Variants in VPS8 observed in about 807,000 individuals in gnomAD.
VPS8 encodes vacuolar protein sorting-associated protein 8 homolog.
In VPS8, 129 loss-of-function variants were observed where a neutral mutation model predicts 216.4. That is an observed-to-expected ratio of 0.60 (90% CI 0.52 to 0.69). The LOEUF (loss-of-function observed/expected upper bound fraction) is 0.69. Among genes scored for constraint, VPS8 ranks in the 30% least tolerant of loss-of-function variants. The probability of loss-of-function intolerance (pLI) is 0.00; values close to 1 mark genes in which losing one functional copy is unlikely to be tolerated. For missense variants in VPS8, 1,531 were observed against 1,683.5 expected, an observed-to-expected ratio of 0.91 and a Z score of 1.59; for synonymous variants, 571 against 565.4, an observed-to-expected ratio of 1.01 and a Z score of -0.14.
intron 46 of VPS8, among the ~76,000 whole-genome samples, chr3:185,044,801 A>G (rs1193499743): frequency 3.3e-5 from 5 of 152,100 alleles, no homozygotes; most frequent in African/African-American, 1.2e-4. Flanking sequence ...TTCATTACCT[A>G]ATTCATTATT....
chr3:184,919,638 T>A (rs1405411823), intron 28 of VPS8, among the ~76,000 whole-genome samples: 2 of 152,302 alleles, frequency 1.3e-5, no homozygotes, highest in East Asian at 3.9e-4. Context: ...ACCTTTTTTT[T>A]ACCATAATAA....
intron 15 of VPS8, among the ~76,000 whole-genome samples, chr3:184,861,174 C>G (rs1369934431): frequency 6.6e-6 from 1 of 152,102 alleles, no homozygotes; most frequent in Non-Finnish European, 1.5e-5. Context: ...TATTTTTTCT[C>G]TCTCAAATGG....
intron 1 of VPS8, among the ~76,000 whole-genome samples, chr3:184,820,347 C>T (rs958195217): frequency 6.6e-6 from 1 of 152,200 alleles, no homozygotes; most frequent in African/African-American, 2.4e-5. Flanking sequence ...TGTTCAACGC[C>T]TGTGACATGG....
chr3:185,048,306 GA>G (rs1209384362), intron 46 of VPS8, among the ~76,000 whole-genome samples, 172 bp from the exon 47 acceptor site: 1 of 152,214 alleles, frequency 6.6e-6, no homozygotes, highest in East Asian at 1.9e-4. Context: ...GATCTTAGGG[GA>G]CGTGCCGATT....
intron 40 of VPS8, among the ~76,000 whole-genome samples, chr3:184,972,473 C>G (rs1331319978): frequency 6.6e-6 from 1 of 152,190 alleles, no homozygotes; most frequent in Admixed American, 6.5e-5. Flanking sequence ...TTAAAGAAGC[C>G]TATGGTGTAC....
At chr3:184,963,404 T>C (rs1746864979) in intron 37 of VPS8, among the ~76,000 whole-genome samples, 1 of 152,140 alleles carries the variant, frequency 6.6e-6, no homozygotes, top group African/African-American at 2.4e-5. Flanking sequence ...TTAAATTTGT[T>C]CATAGTTACT....
chr3:184,874,187 C>A (rs1366076729), intron 21 of VPS8, among the ~76,000 whole-genome samples: 1 of 151,740 alleles, frequency 6.6e-6, no homozygotes, highest in Non-Finnish European at 1.5e-5. Context: ...CATATAATTA[C>A]CTTTTTGAAA....
intron 37 of VPS8, 146 bp from the exon 38 acceptor site, chr3:184,964,322 G>T: frequency 2.5e-6 from 1 of 403,084 alleles, no homozygotes; most frequent in Non-Finnish European, 4.3e-6. Flanking sequence ...TAGAAAGTCA[G>T]CTATTTGCAT....
chr3:184,846,806 A>C (rs1211029958), intron 8 of VPS8, among the ~76,000 whole-genome samples: 1 of 152,262 alleles, frequency 6.6e-6, no homozygotes, highest in African/African-American at 2.4e-5. Context: ...CAACCATCAT[A>C]TCATGACAGT....
chr3:184,982,788 A>G (rs1337092368), intron 41 of VPS8, 141 bp downstream of exon 41: 13 of 736,682 alleles, frequency 1.8e-5, no homozygotes, highest in Non-Finnish European at 2.6e-5. Context: ...AGTATGGTTG[A>G]TCTCATCTTT....
intron 26 of VPS8, 83 bp from the exon 27 acceptor site, chr3:184,914,898 C>A (rs1737242675): frequency 1.5e-6 from 2 of 1,372,934 alleles, no homozygotes; most frequent in African/African-American, 1.4e-5. Flanking sequence ...ACTAGTATCT[C>A]AAGTTTGAGA....
At chr3:184,926,499 A>C (rs1429538124) in intron 30 of VPS8, 95 bp from the exon 31 acceptor site, 2 of 1,251,566 alleles carry the variant, frequency 1.6e-6, no homozygotes, top group Admixed American at 4.5e-5. Flanking sequence ...GGTGTGAATG[A>C]GTTGGTTATT....
intron 7 of VPS8, among the ~76,000 whole-genome samples, chr3:184,841,664 T>C (rs1019283632): frequency 1.5e-4 from 23 of 152,138 alleles, no homozygotes; most frequent in Non-Finnish European, 3.4e-4. Flanking sequence ...GTCAGCCTGC[T>C]CTCCTATCAG....
At position 184,913,426 on chromosome 3, in the gene VPS8, G is replaced by A. The variant is rs151265794; in HGVS notation, c.2147-93G>A. On this transcript the variant is annotated intron_variant, in intron 25 of 47. Transcript: ENST00000625842. Reference sequence around the variant, plus strand: ...GGAATATACTTACCTCACCTTAAATGCCAAGTTTTATTTTTTTGTTTCTAC... The same window carrying A: ...GGAATATACTTACCTCACCTTAAATACCAAGTTTTATTTTTTTGTTTCTAC... 1,252 of 1,148,154 alleles carry A rather than the reference G, an allele frequency of 1.1e-3. 10 individuals are homozygous for A. The highest frequency in any genetic ancestry group is 2.8e-4 in the Non-Finnish European group (218 of 791,392). The allele number at this position is 1,148,154 out of a possible 1,614,324, so 71.1% of individuals were successfully genotyped here.
At chr3:185,005,143 CTT>C (rs1754066321) in intron 45 of VPS8, among the ~76,000 whole-genome samples, 1 of 152,094 alleles carries the variant, frequency 6.6e-6, no homozygotes, top group African/African-American at 2.4e-5. Flanking sequence ...CCTTTCCCCA[CTT>C]TGTGTTTTTG....
intron 45 of VPS8, among the ~76,000 whole-genome samples, chr3:185,013,837 A>G (rs775008887): frequency 2.6e-5 from 4 of 152,224 alleles, no homozygotes; most frequent in Non-Finnish European, 5.9e-5. Flanking sequence ...ACAGATGTGC[A>G]ATTTAAGCTA....
chr3:184,887,036 T>C (rs1406302527), intron 22 of VPS8, among the ~76,000 whole-genome samples: 5 of 152,192 alleles, frequency 3.3e-5, no homozygotes, highest in African/African-American at 9.7e-5. Flanking sequence ...TAGTTTAAAT[T>C]GTAACTATAT....
intron 36 of VPS8, among the ~76,000 whole-genome samples, chr3:184,952,296 G>A (rs964995342): frequency 6.6e-6 from 1 of 152,080 alleles, no homozygotes; most frequent in Non-Finnish European, 1.5e-5. Context: ...ACGTGTGTGG[G>A]GATTTTTCCC....
chr3:184,893,057 T>G (rs961410989), intron 22 of VPS8, among the ~76,000 whole-genome samples: 1 of 152,164 alleles, frequency 6.6e-6, no homozygotes, highest in African/African-American at 2.4e-5. Context: ...GACATGAAAA[T>G]ATTTTGATAA....
Sources: gnomAD v4.1 joint callset for allele counts (sites outside exome capture counted in the v4.1 genomes callset) on GRCh38, gnomAD v4.1.1 for gene constraint, MANE v1.5 for transcripts, NCBI Gene and HGNC (gene_info 2026-07-23, HGNC 2026-07-21) for gene names.